The following TFAP2A variants were observed in gnomAD, a reference collection of about 807,000 sequenced individuals.
TFAP2A encodes transcription factor AP-2 alpha, also known as transcription factor AP-2-alpha.
In TFAP2A, 7 loss-of-function variants were observed where a neutral mutation model predicts 41.5. The ratio of observed to expected loss-of-function variants is 0.17; its 90% CI spans 0.10 to 0.32. The LOEUF (loss-of-function observed/expected upper bound fraction) is 0.32. Ranked by LOEUF, TFAP2A falls within the 10% of genes least tolerant of loss-of-function variation. The probability of loss-of-function intolerance (pLI) is 1.00; values close to 1 mark genes in which losing one functional copy is unlikely to be tolerated. For synonymous variants in TFAP2A, 247 were observed against 242.8 expected (o/e 1.02, Z -0.16); for missense variants, 416 against 563.3 (o/e 0.74, Z 2.65).
upstream of TFAP2A, chr6:10,418,214 T>C (rs1758312893): frequency 6.6e-6 from 1 of 152,228 alleles, no homozygotes; most frequent in Admixed American, 6.5e-5. Flanking sequence ...AGCTCACTCT[T>C]GATAAAAGTA....
At chr6:10,412,770 C>T in intron 1 of TFAP2A, 1 of 233,738 alleles carries the variant, frequency 4.3e-6, no homozygotes, top group Non-Finnish European at 8.8e-6. Flanking sequence ...CGCTGCTGCG[C>T]GGCTCCTCCA....
At chr6:10,417,731 C>T (rs959021131), upstream of TFAP2A, among the ~76,000 whole-genome samples, 2 of 152,190 alleles carry the variant, frequency 1.3e-5, no homozygotes, top group Admixed American at 1.3e-4. Context: ...CCAACAGGCC[C>T]AGCCCATCAG....
At chr6:10,413,249 C>G (rs1758080971) in intron 1 of TFAP2A, among the ~76,000 whole-genome samples, 3 of 152,244 alleles carry the variant, frequency 2.0e-5, no homozygotes, top group Non-Finnish European at 4.4e-5. Context: ...GTGGAAACAG[C>G]TTTGACTTTA....
At chr6:10,404,441 C>A (rs1342058064) in intron 4 of TFAP2A, 67 bp downstream of exon 4, 3 of 1,226,486 alleles carry the variant, frequency 2.4e-6, no homozygotes, top group Non-Finnish European at 3.2e-6. Context: ...GCCGCCACCG[C>A]CCCGGCGCAA....
intron 2 of TFAP2A, 82 bp downstream of exon 2, chr6:10,409,819 G>A (rs1207480898): frequency 1.6e-5 from 23 of 1,483,102 alleles, no homozygotes; most frequent in Non-Finnish European, 2.1e-5. Flanking sequence ...CGGGCCCACC[G>A]ACTGTATGTT....
chr6:10,415,085 G>T (rs555081767), upstream of TFAP2A: 3 of 1,611,670 alleles, frequency 1.9e-6, no homozygotes, highest in South Asian at 1.1e-5. Flanking sequence ...GGCGGTGAGC[G>T]CAGGAGGAGG....
At chr6:10,402,658 G>C in intron 4 of TFAP2A, 48 bp from the exon 5 acceptor site, 1 of 1,332,846 alleles carries the variant, frequency 7.5e-7, no homozygotes, top group Non-Finnish European at 1.1e-6. Flanking sequence ...ACATTGGGTT[G>C]CTCTGCACCA....
intron 5 of TFAP2A, chr6:10,400,866 A>C (rs923981018): frequency 2.1e-5 from 13 of 623,808 alleles, no homozygotes; most frequent in Admixed American, 1.3e-4. Flanking sequence ...CCTAAATGAC[A>C]CTTCTCCAAA....
upstream of TFAP2A, chr6:10,419,428 C>T (rs780973352): frequency 2.5e-6 from 4 of 1,614,180 alleles, no homozygotes; most frequent in Non-Finnish European, 3.4e-6. Flanking sequence ...CTGCCAGTCC[C>T]CCATTTTGGC....
upstream of TFAP2A, chr6:10,419,359 C>G (rs1013730770): frequency 1.2e-5 from 17 of 1,436,658 alleles, no homozygotes; most frequent in African/African-American, 2.8e-5. Flanking sequence ...CCCGCTCCGG[C>G]CCCCTCCCCT....
At chr6:10,401,335 T>C (rs1308433586) in intron 5 of TFAP2A, among the ~76,000 whole-genome samples, 1 of 152,230 alleles carries the variant, frequency 6.6e-6, no homozygotes, top group Non-Finnish European at 1.5e-5. Context: ...ACCATTTTCT[T>C]GGCTTATAAT....
At position 10,398,953 on chromosome 6, in the gene TFAP2A, A is replaced by G. The variant is rs574734791; in HGVS notation, c.1032-248T>C. Reference sequence around the variant, plus strand: ...TGACTCTCTCTCTCTTTCCTCTCAGATATGGTAAACTTTTATTCCCACCTT... The same window carrying G: ...TGACTCTCTCTCTCTTTCCTCTCAGGTATGGTAAACTTTTATTCCCACCTT... On this transcript the variant is annotated intron_variant, in intron 6 of 6. Coordinates refer to ENST00000379613, the MANE Select transcript of TFAP2A (RefSeq NM_001372066.1). The surrounding 1 kb of genome is among the most constrained non-coding windows in gnomAD (Gnocchi z 5.3). Among the ~76,000 whole-genome samples the G allele has an allele frequency of 4.6e-5, 7 of 152,238 alleles. No homozygotes were observed. The highest frequency in any genetic ancestry group is 1.3e-4 in the Admixed American group (2 of 15,302).
chr6:10,398,136 G>A lies in TFAP2A; in HGVS notation c.*281C>T. On this transcript the variant is annotated 3_prime_UTR_variant, in exon 7 of 7. Coordinates refer to ENST00000379613, the MANE Select transcript of TFAP2A (RefSeq NM_001372066.1). The surrounding 1 kb of genome is among the most constrained non-coding windows in gnomAD (Gnocchi z 5.3). ...AGAACTTTTCTCTGCTGGCTTCACG[G>A]CCTGTTCTGTTCTCTTAGGCTCCAC... The A allele has an allele frequency of 2.2e-6, 3 of 1,390,898 alleles. No homozygotes were observed. The highest frequency in any genetic ancestry group is 1.6e-5 in the South Asian group (1 of 63,530). The allele number at this position is 1,390,898 out of a possible 1,614,324, so 86.2% of individuals were successfully genotyped here. A position where few individuals can be genotyped will look rare whatever the true frequency, so the allele number is the denominator to read the frequency against.
At position 10,398,358 on chromosome 6, in the gene TFAP2A, G is replaced by A. The variant is rs1377300959; in HGVS notation, c.*59C>T. ...GCTGATCCCGGAGCTGTCACCCGCC[G>A]GAGGGTGGGCGCGCGGGGGGCTGGT... On this transcript the variant is annotated 3_prime_UTR_variant, in exon 7 of 7. Coordinates refer to ENST00000379613, the MANE Select transcript of TFAP2A (RefSeq NM_001372066.1). The surrounding 1 kb of genome is among the most constrained non-coding windows in gnomAD (Gnocchi z 5.3). 4.5e-5 allele frequency: 73 copies of A among 1,609,862 alleles called. No homozygotes were observed. The highest frequency in any genetic ancestry group is 6.2e-5 in the Non-Finnish European group (73 of 1,178,744).
intron 2 of TFAP2A, chr6:10,409,596 G>A: frequency 5.0e-6 from 2 of 397,196 alleles, no homozygotes; most frequent in Non-Finnish European, 9.3e-6. Flanking sequence ...AATTGAGACA[G>A]TTTACTGTCG....
chr6:10,403,350 A>G (rs1757505844), intron 4 of TFAP2A, among the ~76,000 whole-genome samples: 1 of 152,246 alleles, frequency 6.6e-6, no homozygotes, highest in Admixed American at 6.5e-5. Context: ...AACAGTCTCC[A>G]ATATTGGGGA....
chr6:10,404,429 T>A (rs569686810), intron 4 of TFAP2A, 79 bp downstream of exon 4: 76 of 1,089,610 alleles, frequency 7.0e-5, no homozygotes, highest in Admixed American at 3.5e-4. Context: ...CCTGTTTGCG[T>A]CGCCGCCACC....
intron 1 of TFAP2A, chr6:10,412,332 C>G (rs1017848292): frequency 1.0e-6 from 1 of 972,330 alleles, no homozygotes; most frequent in African/African-American, 1.8e-5. Flanking sequence ...AGAGGGAGAC[C>G]GAAGGAGAGA....
chr6:10,406,757 A>T (rs1266776611), intron 3 of TFAP2A, 36 bp downstream of exon 3: 3 of 1,570,610 alleles, frequency 1.9e-6, no homozygotes, highest in Non-Finnish European at 2.6e-6. Context: ...CTCTGCCTGT[A>T]AGGACATGCT....
Sources: gnomAD v4.1 joint callset for allele counts (sites outside exome capture counted in the v4.1 genomes callset) on GRCh38, gnomAD v4.1.1 for gene constraint, Gnocchi (gnomAD v3.1) non-coding constraint, MANE v1.5 for transcripts, NCBI Gene and HGNC (gene_info 2026-07-23, HGNC 2026-07-21) for gene names.